The following FAM53B variants were observed in gnomAD, a reference collection of about 807,000 sequenced individuals.
FAM53B encodes the protein family with sequence similarity 53 member B, also known as protein FAM53B.
FAM53B carries 12 observed loss-of-function variants against 32.7 expected under a neutral mutation model. That is an observed-to-expected ratio of 0.37 (90% confidence interval 0.24 to 0.59). The LOEUF (loss-of-function observed/expected upper bound fraction) is 0.59. FAM53B is among the 20% of genes least tolerant of loss of function. The probability of loss-of-function intolerance (pLI) is 0.72; values close to 1 mark genes in which losing one functional copy is unlikely to be tolerated. For missense variants in FAM53B, 477 were observed against 577.7 expected (o/e 0.83, Z 1.79); for synonymous variants, 234 against 228.7 (o/e 1.02, Z -0.21).
chr10:124,655,109 G>A (rs1380904827), intron 4 of FAM53B, among the ~76,000 whole-genome samples: 1 of 152,106 alleles, frequency 6.6e-6, no homozygotes, highest in South Asian at 2.1e-4. Context: ...GCCTCCTCAG[G>A]CCCAGCTTAG....
chr10:124,690,071 G>C (rs923327065), intron 3 of FAM53B, among the ~76,000 whole-genome samples: 1 of 152,260 alleles, frequency 6.6e-6, no homozygotes, highest in Non-Finnish European at 1.5e-5. Flanking sequence ...AGTGAAACGG[G>C]CAGCTGCTGG....
At chr10:124,717,551 C>A (rs1950044643) in intron 1 of FAM53B, among the ~76,000 whole-genome samples, 1 of 152,226 alleles carries the variant, frequency 6.6e-6, no homozygotes, top group Non-Finnish European at 1.5e-5. Flanking sequence ...TCAAAGTGCC[C>A]TGGCTATGAC....
intron 4 of FAM53B, among the ~76,000 whole-genome samples, chr10:124,675,716 T>C (rs1437394959): frequency 6.6e-6 from 1 of 152,228 alleles, no homozygotes; most frequent in Non-Finnish European, 1.5e-5. Context: ...ATCAGTCCTC[T>C]GGAAGGGCCA....
intron 2 of FAM53B, among the ~76,000 whole-genome samples, chr10:124,706,099 C>T (rs1352560587): frequency 6.6e-6 from 1 of 152,158 alleles, no homozygotes; most frequent in African/African-American, 2.4e-5. Flanking sequence ...CTAAGAAGGC[C>T]GAGTTAGCTA....
intron 4 of FAM53B, among the ~76,000 whole-genome samples, chr10:124,648,409 G>C (rs1454981236): frequency 6.6e-6 from 1 of 152,234 alleles, no homozygotes; most frequent in Non-Finnish European, 1.5e-5. Context: ...GATGGGCTGC[G>C]GCCTGCTGTG....
chr10:124,739,671 T>G (rs917721922), intron 1 of FAM53B, among the ~76,000 whole-genome samples: 1 of 152,236 alleles, frequency 6.6e-6, no homozygotes, highest in Non-Finnish European at 1.5e-5. Context: ...GTCTCCATGA[T>G]AGTCCAGCGT....
intron 4 of FAM53B, among the ~76,000 whole-genome samples, chr10:124,675,270 A>G (rs1051379640): frequency 6.6e-6 from 1 of 152,178 alleles, no homozygotes; most frequent in East Asian, 1.9e-4. Context: ...AAGGAAAGAA[A>G]GGGAGGGAAA....
At chr10:124,709,173 G>A (rs1000257051) in intron 1 of FAM53B, among the ~76,000 whole-genome samples, 4 of 152,244 alleles carry the variant, frequency 2.6e-5, no homozygotes, top group African/African-American at 9.6e-5. Context: ...TGTTTAAAGG[G>A]AAACAAGCTA....
intron 2 of FAM53B, among the ~76,000 whole-genome samples, chr10:124,699,418 G>A (rs1424235225): frequency 1.3e-5 from 2 of 152,240 alleles, no homozygotes; most frequent in African/African-American, 4.8e-5. Context: ...TGAGAGGCCA[G>A]CCTGAGTGTC....
At chr10:124,743,721 T>C (rs1950213881) in intron 1 of FAM53B, among the ~76,000 whole-genome samples, 1 of 151,484 alleles carries the variant, frequency 6.6e-6, no homozygotes, top group Non-Finnish European at 1.5e-5. Context: ...GCGCAGACTT[T>C]TCCGCCGCAG....
chr10:124,626,722 C>A (rs770487589), intron 4 of FAM53B, among the ~76,000 whole-genome samples: 2 of 152,242 alleles, frequency 1.3e-5, no homozygotes, highest in Non-Finnish European at 2.9e-5. Flanking sequence ...TAGCCAGGCA[C>A]GGGCACTGGA....
rs180952236 is a variant in FAM53B at position 124,641,805 on chromosome 10, A to G, written c.907-18201T>C. On this transcript the variant is annotated intron_variant, in intron 4 of 4. Coordinates refer to ENST00000337318, the MANE Select transcript of FAM53B (RefSeq NM_014661.4). Reference sequence around the variant, plus strand: ...GGTCTTATTAAGACGGCAAGCACTGATAAGACTTACAGGTCCCATGAACTA... The same window carrying G: ...GGTCTTATTAAGACGGCAAGCACTGGTAAGACTTACAGGTCCCATGAACTA... Among the ~76,000 whole-genome samples the G allele has an allele frequency of 2.4e-4, 36 of 152,272 alleles. No individual in the cohort carries two copies. The East Asian group carries it at 6.8e-3, about 29-fold the overall frequency.
chr10:124,670,453 C>A (rs774624298), intron 4 of FAM53B, among the ~76,000 whole-genome samples: 11 of 152,144 alleles, frequency 7.2e-5, no homozygotes, highest in Non-Finnish European at 1.3e-4. Flanking sequence ...CCGCTCCTCA[C>A]CCCAGCCTGC....
chr10:124,714,621 T>C (rs962281386), intron 1 of FAM53B, among the ~76,000 whole-genome samples: 1 of 151,818 alleles, frequency 6.6e-6, no homozygotes, highest in Non-Finnish European at 1.5e-5. Context: ...TAGCCGGGTG[T>C]GGTGGCGCAC....
At chr10:124,632,451 C>T (rs564061419) in intron 4 of FAM53B, among the ~76,000 whole-genome samples, 16 of 152,350 alleles carry the variant, frequency 1.1e-4, no homozygotes, top group African/African-American at 3.6e-4. Flanking sequence ...GTACTGCCTG[C>T]GCCCACAGAC....
At chr10:124,703,327 C>T (rs1949928579) in intron 2 of FAM53B, among the ~76,000 whole-genome samples, 1 of 152,202 alleles carries the variant, frequency 6.6e-6, no homozygotes. Context: ...GGATTACCGG[C>T]GTGAGCCACC....
At chr10:124,689,348 T>C (rs1949820379) in intron 3 of FAM53B, among the ~76,000 whole-genome samples, 1 of 152,226 alleles carries the variant, frequency 6.6e-6, no homozygotes, top group Non-Finnish European at 1.5e-5. Flanking sequence ...CTTTAGAGCC[T>C]CTGGCTCCCT....
intron 4 of FAM53B, among the ~76,000 whole-genome samples, chr10:124,665,252 G>A (rs904739114): frequency 6.6e-6 from 1 of 152,174 alleles, no homozygotes; most frequent in African/African-American, 2.4e-5. Flanking sequence ...TCTATCACCT[G>A]AGTGAGGTTC....
At chr10:124,676,785 G>C (rs1949739225) in intron 4 of FAM53B, among the ~76,000 whole-genome samples, 1 of 152,114 alleles carries the variant, frequency 6.6e-6, no homozygotes, top group African/African-American at 2.4e-5. Flanking sequence ...ACGGCTCTCA[G>C]AGGCTTCCCA....
Sources: allele counts gnomAD v4.1 joint callset (sites outside exome capture counted in the v4.1 genomes callset), GRCh38; gene constraint gnomAD v4.1.1; transcripts MANE v1.5; gene names NCBI Gene and HGNC (gene_info 2026-07-23, HGNC 2026-07-21).